ZBTB17: variants seen among roughly 807,000 people sequenced by gnomAD.
ZBTB17 encodes the protein zinc finger and BTB domain-containing protein 17.
A neutral mutation model predicts 85.1 loss-of-function variants in ZBTB17; 24 were observed. That is an observed-to-expected ratio of 0.28 (90% CI 0.20 to 0.40). ZBTB17 has a LOEUF of 0.40. ZBTB17 is among the 10% of genes least tolerant of loss of function. The pLI is 1.00. For missense variants in ZBTB17, 743 were observed against 1,105.1 expected (o/e 0.67, Z 4.65); for synonymous variants, 464 against 460.2 (o/e 1.01, Z -0.11).
intron 2 of ZBTB17, among the ~76,000 whole-genome samples, chr1:15,956,674 A>G (rs1047349503): frequency 2.0e-5 from 3 of 152,250 alleles, no homozygotes; most frequent in African/African-American, 7.2e-5. Flanking sequence ...CCTATAAATT[A>G]GGAAACAGAT....
At chr1:15,945,424 C>T (rs886674190) in intron 6 of ZBTB17, among the ~76,000 whole-genome samples, 2 of 152,178 alleles carry the variant, frequency 1.3e-5, no homozygotes, top group Non-Finnish European at 2.9e-5. Context: ...GGAGGGTTGC[C>T]GTGGGTGGCA....
rs1219527494 is a variant in ZBTB17 at position 15,964,440 on chromosome 1, A to G, written c.-3+8599T>C. Among the ~76,000 whole-genome samples the G allele has an allele frequency of 6.6e-6, 1 of 152,202 alleles. No individual in the cohort carries two copies. The highest frequency in any genetic ancestry group is 1.5e-5 in the Non-Finnish European group (1 of 68,036). ...TGTAATCTAACATGACAATGGGGCC[A>G]GGCAAGATGGCTCACGCCTGTAATC... is the stretch of plus-strand genomic sequence containing the variant. On this transcript the variant is annotated intron_variant, in intron 2 of 15. Transcript: ENST00000375743. The surrounding 1 kb of genome is among the most constrained non-coding windows in gnomAD (Gnocchi z 4.3).
intron 2 of ZBTB17, among the ~76,000 whole-genome samples, chr1:15,972,497 T>C (rs1378953678): frequency 1.3e-5 from 2 of 152,236 alleles, no homozygotes; most frequent in Non-Finnish European, 2.9e-5. Flanking sequence ...TGGCTTATGT[T>C]TGGGAACCAT....
rs150080653 is a variant in ZBTB17 at position 15,971,647 on chromosome 1, G to A, written c.-3+1392C>T. Among the ~76,000 whole-genome samples the A allele has an allele frequency of 7.3e-3, 1,034 of 141,454 alleles. 12 individuals are homozygous for A. The highest frequency in any genetic ancestry group is 0.026 in the African/African-American group (973 of 38,052). 92.8% of individuals were successfully genotyped at this position (141,454 alleles called of 152,430 possible). ...ATTTTGCTGACAGAAAAAAAAAAAC[G>A]AAAAGGTTGGGGAGTGCTGCACTAT... On this transcript the variant is annotated intron_variant, in intron 2 of 15. Transcript: ENST00000375743.
chr1:15,942,948 C>A, intron 13 of ZBTB17, 116 bp downstream of exon 13: 1 of 1,487,470 alleles, frequency 6.7e-7, no homozygotes, highest in African/African-American at 1.4e-5. Flanking sequence ...TTCAAGGCCA[C>A]CTGCAGCAAG....
chr1:15,957,178 CAAAA>C (rs34574727), intron 2 of ZBTB17, among the ~76,000 whole-genome samples: 3 of 87,372 alleles, frequency 3.4e-5, no homozygotes, highest in African/African-American at 4.1e-5. Context: ...GACTCCATCT[CAAAA>C]AAAAAAAAAA....
At chr1:15,944,197 T>C in intron 9 of ZBTB17, 103 bp downstream of exon 9, 2 of 1,463,752 alleles carry the variant, frequency 1.4e-6, no homozygotes, top group African/African-American at 1.4e-5. Flanking sequence ...GATGAGCTCC[T>C]GGAGGCCGGG....
intron 1 of ZBTB17, among the ~76,000 whole-genome samples, chr1:15,975,592 CGA>C (rs1282579678): frequency 1.3e-5 from 2 of 152,062 alleles, no homozygotes; most frequent in East Asian, 3.9e-4. Context: ...CCCGGCCGGC[CGA>C]CAGGAGCTGC....
chr1:15,946,418 G>C, intron 4 of ZBTB17, 124 bp from the exon 5 acceptor site: 1 of 1,436,232 alleles, frequency 7.0e-7, no homozygotes. Flanking sequence ...GTAGTGGTTT[G>C]CTGATTTGTT....
intron 2 of ZBTB17, among the ~76,000 whole-genome samples, chr1:15,959,663 C>G (rs912766045): frequency 6.6e-6 from 1 of 151,792 alleles, no homozygotes; most frequent in Non-Finnish European, 1.5e-5. Context: ...TCCCAGCTAT[C>G]TGGGAGGCTG....
At chr1:15,950,295 T>C (rs1436265635) in intron 2 of ZBTB17, among the ~76,000 whole-genome samples, 1 of 152,236 alleles carries the variant, frequency 6.6e-6, no homozygotes, top group Non-Finnish European at 1.5e-5. Context: ...GCTGCTCCTA[T>C]GCACTGGACA....
rs549380216 is a variant in ZBTB17, at chr1:15,948,626, C to T, written c.-2-129G>A. On this transcript the variant is annotated intron_variant, in intron 2 of 15. Transcript: ENST00000375743. ...ATTAAAACAAGTGAGGGCATTTCTG[C>T]CACAAAAGGGCAGTTCAGTCCAGAT... 3.0e-6 allele frequency: 3 copies of T among 997,032 alleles called. No individual in the cohort carries two copies. The East Asian group carries it at 7.9e-5, about 26-fold the overall frequency. 61.8% of individuals were successfully genotyped at this position (997,032 alleles called of 1,614,324 possible).
chr1:15,968,725 A>G (rs1298902101), intron 2 of ZBTB17, among the ~76,000 whole-genome samples: 1 of 152,224 alleles, frequency 6.6e-6, no homozygotes, highest in Admixed American at 6.5e-5. Flanking sequence ...ACTCTCCCAG[A>G]AAACAGAAGG....
At chr1:15,969,490 T>C in intron 2 of ZBTB17, 1 of 239,272 alleles carries the variant, frequency 4.2e-6, no homozygotes, top group South Asian at 4.2e-5. Context: ...CCACGGCTGG[T>C]GGTCCTAGGT....
chr1:15,961,686 G>A lies in ZBTB17; in HGVS notation c.-3+11353C>T, dbSNP rs192579783. ...TCAAATCCCTACCACCTGCGGCAGCGATCAATCAGCAAAGCTGCTCCCACC... is the reference window on the plus strand; with the variant it reads ...TCAAATCCCTACCACCTGCGGCAGCAATCAATCAGCAAAGCTGCTCCCACC... On this transcript the variant is annotated intron_variant, in intron 2 of 15. Transcript: ENST00000375743. 3.9e-4 allele frequency among the ~76,000 whole-genome samples: 60 copies of A among 152,300 alleles called. 1 individual carries two copies. The East Asian group carries it at 9.3e-3, about 23-fold the overall frequency.
rs1324426368 is a variant in ZBTB17, at chr1:15,964,943, G to A, written c.-3+8096C>T. On this transcript the variant is annotated intron_variant, in intron 2 of 15. Transcript: ENST00000375743. The surrounding 1 kb of genome is among the most constrained non-coding windows in gnomAD (Gnocchi z 4.3). ...AGCCTGGCCAAGATGCTGAAACCCCGTCTACTAAAAATAAAAAAAAATTAG... is the reference window on the plus strand; with the variant it reads ...AGCCTGGCCAAGATGCTGAAACCCCATCTACTAAAAATAAAAAAAAATTAG... Among the ~76,000 whole-genome samples, 3 of 151,522 alleles carry A rather than the reference G, an allele frequency of 2.0e-5. No homozygotes were observed. The highest frequency in any genetic ancestry group is 4.4e-5 in the Non-Finnish European group (3 of 67,866).
chr1:15,944,691 C>A lies in ZBTB17; in HGVS notation c.1070+6G>T. On this transcript the variant is annotated splice_donor_region_variant and intron_variant, in intron 8 of 15. Transcript: ENST00000375743. ...GCCGGGGTAGGAGGCCGGCTTGGGG[C>A]AGTACCTGTGCGTCTTCTCATGGGC... 6.2e-7 allele frequency: 1 copy of A among 1,606,340 alleles called. No homozygotes were observed. Among genetic ancestry groups the A allele is most frequent in the Non-Finnish European group, 8.5e-7 (1 of 1,179,808 alleles).
At chr1:15,958,855 G>A (rs1335419540) in intron 2 of ZBTB17, among the ~76,000 whole-genome samples, 1 of 152,210 alleles carries the variant, frequency 6.6e-6, no homozygotes, top group African/African-American at 2.4e-5. Flanking sequence ...CAGGAGGGAG[G>A]GGACAAAGTG....
intron 2 of ZBTB17, among the ~76,000 whole-genome samples, chr1:15,956,367 G>C (rs1447222993): frequency 6.6e-6 from 1 of 152,202 alleles, no homozygotes; most frequent in African/African-American, 2.4e-5. Context: ...ATCAAGTAGG[G>C]AACAGGCCTG....
Sources: gnomAD v4.1 joint callset for allele counts (sites outside exome capture counted in the v4.1 genomes callset) on GRCh38, gnomAD v4.1.1 for gene constraint, Gnocchi (gnomAD v3.1) non-coding constraint, MANE v1.5 for transcripts, NCBI Gene and HGNC (gene_info 2026-07-23, HGNC 2026-07-21) for gene names.